CFAP45: variants seen among roughly 807,000 people sequenced by gnomAD.
CFAP45 encodes the protein cilia and flagella associated protein 45.
Under a neutral mutation model 75.6 loss-of-function variants are expected in CFAP45, and 43 were observed. The observed-to-expected ratio is 0.57, with a 90% CI of 0.45 to 0.73. The LOEUF (loss-of-function observed/expected upper bound fraction) is 0.73, where lower values mean the gene tolerates loss of function less well. Among genes scored for constraint, CFAP45 ranks in the 30% least tolerant of loss-of-function variants. CFAP45 has a pLI of 0.00. For synonymous variants in CFAP45, 223 were observed against 244.6 expected (o/e 0.91, Z 0.82); for missense variants, 689 against 701.5 (o/e 0.98, Z 0.20).
chr1:159,874,379 T>G (rs1014157276), intron 10 of CFAP45, among the ~76,000 whole-genome samples: 1 of 152,110 alleles, frequency 6.6e-6, no homozygotes, highest in East Asian at 1.9e-4. Flanking sequence ...AGAAACTCTT[T>G]CCATCATGCA....
In CFAP45 at chr1:159,890,535, C is replaced by T. The variant is rs1649800569; in HGVS notation, c.217G>A (p.Asp73Asn). The T allele has an allele frequency of 6.2e-7, 1 of 1,613,914 alleles. No individual in the cohort carries two copies. Among genetic ancestry groups the T allele is most frequent in the Non-Finnish European group, 8.5e-7 (1 of 1,179,972 alleles). The change falls in exon 3 of 12, where the codon GAT becomes AAT. Residue 73 changes from aspartate (D) to asparagine (N), a missense_variant. Physicochemically the swap from Asp to Asn is conservative, Grantham distance 23. Coordinates refer to ENST00000368099, the MANE Select transcript of CFAP45 (RefSeq NM_012337.3). ...LQKTLTALGL[D>N]RKPETIQLIT... is the part of the protein sequence containing the mutation. The stretch of plus-strand genomic sequence containing the variant: ...AGCTGGATGGTCTCTGGCTTGCGAT[C>T]CAAGCCCAAAGCAGTGAGAGTTTTT...
At chr1:159,893,917 G>T (rs1649890729) in intron 1 of CFAP45, among the ~76,000 whole-genome samples, 1 of 151,150 alleles carries the variant, frequency 6.6e-6, no homozygotes, top group South Asian at 2.1e-4. Flanking sequence ...AAATATACAT[G>T]TATACAATGT....
At chr1:159,884,640 A>T (rs1649633081) in intron 6 of CFAP45, 75 bp from the exon 7 acceptor site, 2 of 1,450,970 alleles carry the variant, frequency 1.4e-6, no homozygotes, top group South Asian at 1.3e-5. Flanking sequence ...CCACCTAAAC[A>T]ACCCCCAAGA....
chr1:159,876,580 C>T lies in CFAP45; in HGVS notation c.1328G>A (p.Arg443Gln), dbSNP rs368005515. The change falls in exon 10 of 12, where the codon CGG becomes CAG. Residue 443 changes from arginine (R) to glutamine (Q), a missense_variant. Coordinates refer to ENST00000368099, the MANE Select transcript of CFAP45 (RefSeq NM_012337.3). ...HALAVQVQRD[R>Q]DEFERILRAQ... ...CCGAAGAATCCTCTCGAACTCATCC[C>T]GGTCCCGTTGCACCTGAACAGCCAG... 5.6e-6 allele frequency: 9 copies of T among 1,613,908 alleles called. No homozygotes were observed. In the African/African-American group the frequency reaches 6.7e-5, roughly 12 times the overall value.
rs751522524 is a variant in CFAP45, at chr1:159,872,547, C to T, written c.1594G>A (p.Glu532Lys). The T allele has an allele frequency of 1.8e-5, 29 of 1,613,972 alleles. No individual in the cohort carries two copies. Among genetic ancestry groups the T allele is most frequent in the East Asian group, 6.7e-5 (3 of 44,876 alleles). ...LEELRATGLP[E>K]KYCIEAERKA... ...CGCTCAGCTTCAATGCAGTACTTCT[C>T]GGGAAGGCCAGTGGCTCTGCCGGGG... The change falls in exon 12 of 12, where the codon GAG becomes AAG. Residue 532 changes from glutamate (E) to lysine (K), a missense_variant. Glu to Lys is a moderately conservative substitution (Grantham distance 56). Transcript: ENST00000368099.
chr1:159,887,771 T>C, intron 5 of CFAP45, 70 bp downstream of exon 5: 1 of 1,427,184 alleles, frequency 7.0e-7, no homozygotes, highest in South Asian at 1.3e-5. Flanking sequence ...CCTTGTCCAG[T>C]GCGGGAATAA....
At chr1:159,898,265 C>G (rs1649996750) in intron 1 of CFAP45, 1 of 983,972 alleles carries the variant, frequency 1.0e-6, no homozygotes, top group Non-Finnish European at 1.2e-6. Context: ...ACCAAGTTGG[C>G]CATCTGTAGG....
At chr1:159,878,427 A>G (rs1649458943) in intron 8 of CFAP45, among the ~76,000 whole-genome samples, 1 of 152,108 alleles carries the variant, frequency 6.6e-6, no homozygotes, top group African/African-American at 2.4e-5. Flanking sequence ...CGTAAGATGA[A>G]TGGTGCAGGT....
At chr1:159,877,277 C>T (rs2101841549) in intron 9 of CFAP45, 72 bp downstream of exon 9, 1 of 1,069,076 alleles carries the variant, frequency 9.4e-7, no homozygotes, top group South Asian at 1.2e-5. Context: ...CAAGGCCATT[C>T]TACAGGCTGT....
Position 159,882,111 on chromosome 1 carries a change from G to A in CFAP45, c.898-1411C>T, listed in dbSNP as rs1257881570. Among the ~76,000 whole-genome samples the A allele has an allele frequency of 3.3e-5, 5 of 152,162 alleles. No individual in the cohort carries two copies. The East Asian group carries it at 9.6e-4, about 29-fold the overall frequency. ...GAAGGCTTCTGAACCAGAGCGGTATGGCAACTCTCTGCCTCTGAGGTCCAT... is the reference window on the plus strand; with the variant it reads ...GAAGGCTTCTGAACCAGAGCGGTATAGCAACTCTCTGCCTCTGAGGTCCAT... On this transcript the variant is annotated intron_variant, in intron 7 of 11. Coordinates refer to ENST00000368099, the MANE Select transcript of CFAP45 (RefSeq NM_012337.3).
At chr1:159,897,685 G>A (rs926326588) in intron 1 of CFAP45, among the ~76,000 whole-genome samples, 4 of 152,106 alleles carry the variant, frequency 2.6e-5, no homozygotes, top group Non-Finnish European at 4.4e-5. Flanking sequence ...ATGTTTAACA[G>A]TATGTCAGGA....
chr1:159,884,323 T>G, intron 7 of CFAP45, 113 bp downstream of exon 7: 2 of 1,110,946 alleles, frequency 1.8e-6, no homozygotes, highest in Non-Finnish European at 2.6e-6. Flanking sequence ...GATGATGTTG[T>G]GAAATGAGCA....
rs1649628690 is a variant in CFAP45, at chr1:159,884,502, CTCAGCAAGCAGCGA to C, written c.817_830del (p.Ser273AlafsTer37). On this transcript the variant is annotated frameshift_variant, in exon 7 of 12. Coordinates refer to ENST00000368099, the MANE Select transcript of CFAP45 (RefSeq NM_012337.3). LOFTEE classifies it high-confidence loss of function. Reference sequence around the variant, plus strand: ...TCTGCTCCTTCTCCTGCTCCCGCTGCTCAGCAAGCAGCGATCGCTCCTCCTGGTTCTTTTCCATC... The same window carrying C: ...TCTGCTCCTTCTCCTGCTCCCGCTGCTCGCTCCTCCTGGTTCTTTTCCATC... 1 of 1,613,854 alleles carries C rather than the reference CTCAGCAAGCAGCGA, an allele frequency of 6.2e-7. No individual in the cohort carries two copies. The highest frequency in any genetic ancestry group is 8.5e-7 in the Non-Finnish European group (1 of 1,179,940).
chr1:159,885,078 G>A (rs891777994), intron 6 of CFAP45, among the ~76,000 whole-genome samples: 22 of 152,276 alleles, frequency 1.4e-4, no homozygotes, highest in African/African-American at 9.6e-5. Flanking sequence ...CTGGAAGAAC[G>A]GGAGAAGACA....
intron 7 of CFAP45, among the ~76,000 whole-genome samples, chr1:159,883,646 A>C (rs1218754714): frequency 6.7e-6 from 1 of 149,374 alleles, no homozygotes; most frequent in Non-Finnish European, 1.5e-5. Context: ...ATATATATAT[A>C]TATATATACA....
Position 159,876,548 on chromosome 1 carries a change from C to G in CFAP45, c.1352+8G>C. The stretch of plus-strand genomic sequence containing the variant: ...GAAAGGAATCCAAGGTTCCCAGGCC[C>G]CTCCTACCGAAGAATCCTCTCGAAC... On this transcript the variant is annotated splice_region_variant and intron_variant, in intron 10 of 11. Coordinates refer to ENST00000368099, the MANE Select transcript of CFAP45 (RefSeq NM_012337.3). 2 of 1,598,914 alleles carry G rather than the reference C, an allele frequency of 1.3e-6. No homozygotes were observed. The highest frequency in any genetic ancestry group is 2.2e-5 in the East Asian group (1 of 44,762).
rs1352596340 is a variant in CFAP45 at position 159,880,617 on chromosome 1, T to C, written c.981A>G (p.Ala327=). 6.2e-7 allele frequency: 1 copy of C among 1,614,006 alleles called. No homozygotes were observed. Among genetic ancestry groups the C allele is most frequent in the Non-Finnish European group, 8.5e-7 (1 of 1,179,926 alleles). Reference sequence around the variant, plus strand: ...CCAGCTTCTCCTGAGCCAGCAGTTCTGCTTTCTGTTTCTGGTTTTCATCAT... The same window carrying C: ...CCAGCTTCTCCTGAGCCAGCAGTTCCGCTTTCTGTTTCTGGTTTTCATCAT... ...RINDENQKQK[A]ELLAQEKLAD... Residue 327 remains alanine, a synonymous_variant, in exon 8 of 12, where the codon GCA becomes GCG. Transcript: ENST00000368099.
intron 6 of CFAP45, among the ~76,000 whole-genome samples, chr1:159,885,195 AG>A (rs1246413399): frequency 3.3e-5 from 5 of 152,236 alleles, no homozygotes; most frequent in Admixed American, 3.3e-4. Context: ...AAAGAGTAAA[AG>A]GGTTACATGA....
chr1:159,886,679 T>C lies in CFAP45; in HGVS notation c.599A>G (p.Asn200Ser), dbSNP rs1226768169. ...ATCCCGGATGGCATGGCACTTAGCA[T>C]TGAGGATAATCTGGAGAGTGGAGAT... Reference protein sequence around the residue: ...ELKDMSKIILNAKCHAIRDAQ... With the variant: ...ELKDMSKIILSAKCHAIRDAQ... Residue 200 changes from asparagine to serine, a missense_variant, in exon 6 of 12, where the codon AAT becomes AGT. By Grantham distance (46) the Asn-to-Ser change is conservative. Transcript: ENST00000368099. 6.2e-7 allele frequency: 1 copy of C among 1,613,904 alleles called. No individual in the cohort carries two copies.
Sources: gnomAD v4.1 joint callset for allele counts (sites outside exome capture counted in the v4.1 genomes callset) on GRCh38, gnomAD v4.1.1 for gene constraint, MANE v1.5 for transcripts, NCBI Gene and HGNC (gene_info 2026-07-23, HGNC 2026-07-21) for gene names.